RASAL2: variants seen among roughly 807,000 people sequenced by gnomAD.
RASAL2 encodes ras GTPase-activating protein nGAP.
In RASAL2, 58 loss-of-function variants were observed where a neutral mutation model predicts 128.9. That is an observed-to-expected ratio of 0.45 (90% CI 0.36 to 0.56). RASAL2 has a LOEUF of 0.56. Among genes scored for constraint, RASAL2 ranks in the 20% least tolerant of loss-of-function variants. RASAL2 has a pLI of 0.00. For missense variants in RASAL2, 1,360 were observed against 1,601.6 expected, an observed-to-expected ratio of 0.85 and a Z score of 2.57; for synonymous variants, 561 against 580.8, an observed-to-expected ratio of 0.97 and a Z score of 0.49.
intron 11 of RASAL2, among the ~76,000 whole-genome samples, chr1:178,453,348 A>C (rs895012569): frequency 3.3e-5 from 5 of 152,130 alleles, no homozygotes; most frequent in African/African-American, 4.8e-5. Flanking sequence ...AATGGACGCT[A>C]AACTATTTAG....
chr1:178,259,755 G>T (rs1665571524), intron 1 of RASAL2, among the ~76,000 whole-genome samples: 1 of 152,084 alleles, frequency 6.6e-6, no homozygotes, highest in African/African-American at 2.4e-5. Flanking sequence ...GTTGAGATGG[G>T]ATCTCACTTT....
At chr1:178,274,458 A>C (rs773886628) in intron 1 of RASAL2, among the ~76,000 whole-genome samples, 8 of 152,214 alleles carry the variant, frequency 5.3e-5, no homozygotes, top group Admixed American at 2.6e-4. Flanking sequence ...TTTGAGATTA[A>C]GTCTTAGTGT....
intron 4 of RASAL2, among the ~76,000 whole-genome samples, chr1:178,397,504 A>C (rs900603891): frequency 6.6e-6 from 1 of 152,170 alleles, no homozygotes; most frequent in Admixed American, 6.5e-5. Flanking sequence ...GCTAATGGGC[A>C]TGGGGTTTCT....
At chr1:178,220,441 A>C (rs188391853) in intron 1 of RASAL2, among the ~76,000 whole-genome samples, 91 of 152,282 alleles carry the variant, frequency 6.0e-4, no homozygotes, top group African/African-American at 2.1e-3. Flanking sequence ...GTAACATCAA[A>C]GATTATTTAT....
chr1:178,222,487 A>C (rs1425061982), intron 1 of RASAL2, among the ~76,000 whole-genome samples: 1 of 152,078 alleles, frequency 6.6e-6, no homozygotes, highest in African/African-American at 2.4e-5. Context: ...TTCAAATAAC[A>C]CTGTATCATT....
intron 6 of RASAL2, among the ~76,000 whole-genome samples, chr1:178,441,105 G>C (rs144430981): frequency 2.3e-4 from 30 of 132,438 alleles, no homozygotes; most frequent in Non-Finnish European, 3.7e-4. Flanking sequence ...AATGGATGTG[G>C]ATGCTACCTA....
intron 3 of RASAL2, among the ~76,000 whole-genome samples, chr1:178,378,371 A>G (rs963210311): frequency 6.6e-6 from 1 of 152,120 alleles, no homozygotes; most frequent in African/African-American, 2.4e-5. Flanking sequence ...TTTGGCAAAA[A>G]TGGACAGAAA....
chr1:178,130,565 G>GT (rs1660066631), intron 1 of RASAL2, among the ~76,000 whole-genome samples: 1 of 152,176 alleles, frequency 6.6e-6, no homozygotes, highest in Admixed American at 6.5e-5. Context: ...ATATTGAATA[G>GT]TTTATCATAC....
chr1:178,463,500 T>C (rs1374258113), intron 14 of RASAL2, among the ~76,000 whole-genome samples: 1 of 152,156 alleles, frequency 6.6e-6, no homozygotes, highest in African/African-American at 2.4e-5. Flanking sequence ...TAGGTGGTGG[T>C]GACAGTGTTG....
intron 4 of RASAL2, among the ~76,000 whole-genome samples, chr1:178,404,870 C>T (rs527344974): frequency 6.6e-6 from 1 of 151,688 alleles, no homozygotes; most frequent in Non-Finnish European, 1.5e-5. Flanking sequence ...TTTGTAGAGA[C>T]GAGGTCTCAC....
At chr1:178,158,610 A>G (rs920309508) in intron 1 of RASAL2, among the ~76,000 whole-genome samples, 4 of 152,362 alleles carry the variant, frequency 2.6e-5, no homozygotes, top group East Asian at 1.9e-4. Flanking sequence ...AGCACATAGC[A>G]AGTACTCCAT....
chr1:178,283,633 A>G lies in RASAL2; in HGVS notation c.272A>G (p.Glu91Gly). ...CCCTACACCGAGACAACAACGTGGGAGCGGAAGTATTGCATCCTCACAGAC... is the reference window on the plus strand; with the variant it reads ...CCCTACACCGAGACAACAACGTGGGGGCGGAAGTATTGCATCCTCACAGAC... ...QSPYTETTTW[E>G]RKYCILTDSQ... The change falls in exon 2 of 18, where the codon GAG becomes GGG. Residue 91 changes from glutamate to glycine, a missense_variant. By Grantham distance (98) the Glu-to-Gly change is moderately conservative (BLOSUM62 -2). Around this residue, in one of 3 missense-constraint regions of RASAL2, gnomAD observed 617 missense variants for 714.2 expected, o/e 0.86. Transcript: ENST00000367649. 2 of 1,613,108 alleles carry G rather than the reference A, an allele frequency of 1.2e-6. No individual in the cohort carries two copies. The highest frequency in any genetic ancestry group is 1.7e-6 in the Non-Finnish European group (2 of 1,179,800).
chr1:178,105,631 A>G (rs1374338071), intron 1 of RASAL2, among the ~76,000 whole-genome samples: 1 of 151,898 alleles, frequency 6.6e-6, no homozygotes, highest in Non-Finnish European at 1.5e-5. Flanking sequence ...TATTTTTGTC[A>G]GTTTTTGAAG....
intron 17 of RASAL2, among the ~76,000 whole-genome samples, chr1:178,468,936 C>G (rs1026896657): frequency 1.3e-5 from 2 of 152,156 alleles, no homozygotes; most frequent in African/African-American, 2.4e-5. Context: ...CTATTAATAA[C>G]CACACAAGGA....
chr1:178,148,496 T>A (rs1267146470), intron 1 of RASAL2, among the ~76,000 whole-genome samples: 1 of 152,098 alleles, frequency 6.6e-6, no homozygotes, highest in Non-Finnish European at 1.5e-5. Flanking sequence ...TCAGCCAGGC[T>A]AGAGTGCAGT....
intron 1 of RASAL2, among the ~76,000 whole-genome samples, chr1:178,164,968 AT>A (rs1166891654): frequency 6.6e-6 from 1 of 152,048 alleles, no homozygotes; most frequent in African/African-American, 2.4e-5. Flanking sequence ...ACACTAAAAA[AT>A]AATACAAAGA....
chr1:178,307,610 G>A (rs1324000721), intron 3 of RASAL2, among the ~76,000 whole-genome samples: 1 of 152,164 alleles, frequency 6.6e-6, no homozygotes, highest in African/African-American at 2.4e-5. Flanking sequence ...AAAAACCAAA[G>A]CTATCAAATA....
chr1:178,372,446 G>GAATAT (rs1035598831), intron 3 of RASAL2: 73 of 761,546 alleles, frequency 9.6e-5, no homozygotes, highest in Non-Finnish European at 1.1e-4. Flanking sequence ...GGAATTAAGG[G>GAATAT]AATATGTTTA....
intron 1 of RASAL2, among the ~76,000 whole-genome samples, chr1:178,222,744 T>A (rs774832616): frequency 7.9e-5 from 12 of 152,124 alleles, no homozygotes; most frequent in Non-Finnish European, 1.6e-4. Context: ...CCCTAAATTG[T>A]GATGCTAATG....
Sources: allele counts gnomAD v4.1 joint callset (sites outside exome capture counted in the v4.1 genomes callset), GRCh38; gene constraint gnomAD v4.1.1; regional missense constraint gnomAD v4.1.1; transcripts MANE v1.5; gene names NCBI Gene and HGNC (gene_info 2026-07-23, HGNC 2026-07-21).